The following SNX25 variants were observed in gnomAD, a reference collection of about 807,000 sequenced individuals.
The protein encoded by SNX25 is sorting nexin 25.
A neutral mutation model predicts 113.7 loss-of-function variants in SNX25; 62 were observed. The ratio of observed to expected loss-of-function variants is 0.55; its 90% CI spans 0.44 to 0.67. The LOEUF is 0.67. Ranked by LOEUF, SNX25 falls within the 30% of genes least tolerant of loss-of-function variation. The probability of loss-of-function intolerance (pLI) is 0.00; values close to 1 mark genes in which losing one functional copy is unlikely to be tolerated. For missense variants in SNX25, 1,014 were observed against 1,161.0 expected, an observed-to-expected ratio of 0.87 and a Z score of 1.84; for synonymous variants, 421 against 436.2, an observed-to-expected ratio of 0.97 and a Z score of 0.43.
chr4:185,338,817 C>G (rs1012222448), intron 10 of SNX25, among the ~76,000 whole-genome samples: 2 of 152,060 alleles, frequency 1.3e-5, no homozygotes, highest in Non-Finnish European at 2.9e-5. Context: ...GCTATATTCC[C>G]TTGTTCTATA....
chr4:185,332,132 C>A (rs552960087), intron 9 of SNX25, among the ~76,000 whole-genome samples: 15 of 152,300 alleles, frequency 9.8e-5, no homozygotes, highest in African/African-American at 3.4e-4. Flanking sequence ...AAGGACTGAA[C>A]AAAGTATATA....
chr4:185,367,303 CTTTT>C (rs138875428), downstream of SNX25: 4 of 1,105,318 alleles, frequency 3.6e-6, no homozygotes, highest in East Asian at 5.4e-5. Flanking sequence ...GGTCTTTCTT[CTTTT>C]TTTTTTTTTC....
chr4:185,252,711 G>A (rs1045857971), intron 2 of SNX25, among the ~76,000 whole-genome samples: 1 of 151,988 alleles, frequency 6.6e-6, no homozygotes, highest in Non-Finnish European at 1.5e-5. Context: ...ATTTGTGCTT[G>A]TGTTGTAGCT....
intron 7 of SNX25, among the ~76,000 whole-genome samples, chr4:185,316,670 G>C (rs2095077028): frequency 6.6e-6 from 1 of 152,192 alleles, no homozygotes; most frequent in East Asian, 1.9e-4. Flanking sequence ...TTACATATCA[G>C]TTTACTTATT....
chr4:185,245,332 T>A (rs1157972914), intron 1 of SNX25, among the ~76,000 whole-genome samples: 1 of 151,710 alleles, frequency 6.6e-6, no homozygotes, highest in Non-Finnish European at 1.5e-5. Context: ...AGAAAAAAAA[T>A]GCCAAGCAGT....
intron 6 of SNX25, among the ~76,000 whole-genome samples, chr4:185,301,778 G>T (rs1753716511): frequency 6.6e-6 from 1 of 152,010 alleles, no homozygotes; most frequent in Non-Finnish European, 1.5e-5. Flanking sequence ...ATAGAGACAG[G>T]GTTTCACCAT....
At chr4:185,257,626 GTTTC>G (rs1463454193) in intron 2 of SNX25, among the ~76,000 whole-genome samples, 2 of 151,960 alleles carry the variant, frequency 1.3e-5, no homozygotes, top group African/African-American at 2.4e-5. Context: ...AATTTTACCT[GTTTC>G]TTTTTACTTT....
chr4:185,335,940 G>C (rs1309209045), intron 10 of SNX25, among the ~76,000 whole-genome samples: 2 of 152,164 alleles, frequency 1.3e-5, no homozygotes, highest in Non-Finnish European at 2.9e-5. Flanking sequence ...TAGGCAAGGA[G>C]TGCTTCCTGT....
At chr4:185,260,029 C>T (rs1031134284) in intron 3 of SNX25, among the ~76,000 whole-genome samples, 4 of 152,054 alleles carry the variant, frequency 2.6e-5, no homozygotes, top group Non-Finnish European at 4.4e-5. Flanking sequence ...CAGTGTTTTG[C>T]GAACTTTTTT....
chr4:185,283,498 A>T (rs529157298), intron 5 of SNX25, among the ~76,000 whole-genome samples: 1 of 152,356 alleles, frequency 6.6e-6, no homozygotes, highest in East Asian at 1.9e-4. Context: ...CTGGTTTGGC[A>T]GAAACAGTAT....
intron 1 of SNX25, among the ~76,000 whole-genome samples, chr4:185,211,124 A>G (rs1337352197): frequency 6.6e-6 from 1 of 152,176 alleles, no homozygotes; most frequent in Admixed American, 6.5e-5. Flanking sequence ...GCTCAACTTC[A>G]TAAGAATATT....
intron 7 of SNX25, among the ~76,000 whole-genome samples, chr4:185,318,553 A>T (rs1007294081): frequency 2.0e-5 from 3 of 152,174 alleles, no homozygotes; most frequent in African/African-American, 7.2e-5. Context: ...TTTAATGAAT[A>T]TGGTTGATAC....
At chr4:185,238,518 G>T (rs1743003641) in intron 1 of SNX25, among the ~76,000 whole-genome samples, 1 of 152,104 alleles carries the variant, frequency 6.6e-6, no homozygotes, top group Admixed American at 6.5e-5. Flanking sequence ...GAATATCGTT[G>T]TTTCGAAAGA....
In SNX25 at chr4:185,350,123, G is replaced by A. The variant is rs924923610; in HGVS notation, c.2302-1322G>A. Among the ~76,000 whole-genome samples, 6 of 152,262 alleles carry A rather than the reference G, an allele frequency of 3.9e-5. No individual in the cohort carries two copies. The South Asian group carries it at 8.3e-4, about 21-fold the overall frequency. ...TCCAGGCCAGTCTCCTGCAGGGTAC[G>A]TGAATGCTGATGGTGTTCCGTGGAC... On this transcript the variant is annotated intron_variant, in intron 13 of 18. Coordinates refer to ENST00000652585, the MANE Select transcript of SNX25 (RefSeq NM_001378034.2).
Position 185,210,596 on chromosome 4 carries a change from G to A in SNX25, c.429+341G>A, listed in dbSNP as rs906647381. On this transcript the variant is annotated intron_variant, in intron 1 of 18. Transcript: ENST00000652585. This position sits in a 1 kb window ranked among gnomAD's most constrained non-coding sequence, Gnocchi z 4.4. ...GTGGGAGGGGAAGAAGGGAATCACAGCGTTCGCTACGTGCAGGCTCTGCGC... is the reference window on the plus strand; with the variant it reads ...GTGGGAGGGGAAGAAGGGAATCACAACGTTCGCTACGTGCAGGCTCTGCGC... Among the ~76,000 whole-genome samples, 6 of 152,140 alleles carry A rather than the reference G, an allele frequency of 3.9e-5. No homozygotes were observed. The highest frequency in any genetic ancestry group is 2.9e-5 in the Non-Finnish European group (2 of 68,028).
intron 1 of SNX25, among the ~76,000 whole-genome samples, chr4:185,243,809 G>A (rs1019439259): frequency 6.6e-6 from 1 of 152,018 alleles, no homozygotes; most frequent in Non-Finnish European, 1.5e-5. Context: ...CAGACACAGG[G>A]CAAGAGGTAG....
chr4:185,360,812 G>A (rs968997705), intron 16 of SNX25, among the ~76,000 whole-genome samples: 2 of 152,068 alleles, frequency 1.3e-5, no homozygotes, highest in South Asian at 4.2e-4. Context: ...CCAGATACTC[G>A]GGAGGCTGAG....
At position 185,240,430 on chromosome 4, in the gene SNX25, TG is replaced by T. The variant is rs1277034186; in HGVS notation, c.430-6862del. On this transcript the variant is annotated intron_variant, in intron 1 of 18. Transcript: ENST00000652585. Reference sequence around the variant, plus strand: ...CCACCTCCCTCCCGGATGGGGCGGCTGGCCGGGCAGAGGGGCTCCTCTCTTC... The same window carrying T: ...CCACCTCCCTCCCGGATGGGGCGGCTGCCGGGCAGAGGGGCTCCTCTCTTC... Among the ~76,000 whole-genome samples the T allele has an allele frequency of 2.7e-5, 4 of 148,582 alleles. No individual in the cohort carries two copies. The East Asian group carries it at 8.2e-4, about 30-fold the overall frequency.
rs533189679 is a variant in SNX25 at position 185,358,931 on chromosome 4, T to C, written c.2651+1194T>C. ...CAAGATTAGTATAATAGTTTTACCATATAAAGCTTATAAATTTTAATAGGA... is the reference window on the plus strand; with the variant it reads ...CAAGATTAGTATAATAGTTTTACCACATAAAGCTTATAAATTTTAATAGGA... On this transcript the variant is annotated intron_variant, in intron 16 of 18. Transcript: ENST00000652585. 3.4e-4 allele frequency among the ~76,000 whole-genome samples: 52 copies of C among 152,360 alleles called. 1 individual carries two copies. In the South Asian group the frequency reaches 0.01, roughly 30 times the overall value.
Sources: gnomAD v4.1 joint callset for allele counts (sites outside exome capture counted in the v4.1 genomes callset) on GRCh38, gnomAD v4.1.1 for gene constraint, Gnocchi (gnomAD v3.1) non-coding constraint, MANE v1.5 for transcripts, NCBI Gene and HGNC (gene_info 2026-07-23, HGNC 2026-07-21) for gene names.